Variants in PLOD3 observed in about 807,000 individuals in gnomAD.
PLOD3 encodes the protein multifunctional procollagen lysine hydroxylase and glycosyltransferase LH3.
Under a neutral mutation model 96.9 loss-of-function variants are expected in PLOD3, and 73 were observed. The observed-to-expected ratio is 0.75, with a 90% CI of 0.62 to 0.92. The LOEUF is 0.92. PLOD3 is among the 40% of genes least tolerant of loss of function. The pLI is 0.00. For synonymous variants in PLOD3, 454 were observed against 413.7 expected (o/e 1.10, Z -1.18); for missense variants, 1,004 against 1,004.3 (o/e 1.00, Z 0.00).
At chr7:101,211,501 G>T in intron 12 of PLOD3, 90 bp downstream of exon 12, 1 of 1,373,624 alleles carries the variant, frequency 7.3e-7, no homozygotes, top group Non-Finnish European at 9.9e-7. Flanking sequence ...TCTGACTGGT[G>T]ACCACTCCAA....
intron 10 of PLOD3, 108 bp downstream of exon 10, chr7:101,212,145 G>A (rs905581390): frequency 1.9e-5 from 27 of 1,441,534 alleles, no homozygotes; most frequent in African/African-American, 4.2e-5. Flanking sequence ...GGGAGGCCCA[G>A]GAGGGGCTGG....
chr7:101,211,449 G>A lies in PLOD3; in HGVS notation c.1358+142C>T, dbSNP rs1347572863. ...TCCTACCTCAGCCTCCCAAAGTGGT[G>A]GCATCAAAAGTGTGAGCCACTGCAG... On this transcript the variant is annotated intron_variant, in intron 12 of 18. Coordinates refer to ENST00000223127, the MANE Select transcript of PLOD3 (RefSeq NM_001084.5). 3.6e-5 allele frequency: 29 copies of A among 795,686 alleles called. No individual in the cohort carries two copies. In the South Asian group the frequency reaches 5.1e-4, roughly 14 times the overall value. The allele number at this position is 795,686 out of a possible 1,614,324, so 49.3% of individuals were successfully genotyped here.
Position 101,217,335 on chromosome 7 carries a change from C to CT in PLOD3, c.-62_-61insA. ...GGGATCTCCGCTACGCGCCTGGATC[C>CT]CAGCTCCGGAGGGGAGCTCTGGAAA... On this transcript the variant is annotated 5_prime_UTR_variant, in exon 1 of 19. Coordinates refer to ENST00000223127, the MANE Select transcript of PLOD3 (RefSeq NM_001084.5). The CT allele has an allele frequency of 7.4e-7, 1 of 1,345,680 alleles. No homozygotes were observed. Among genetic ancestry groups the CT allele is most frequent in the Non-Finnish European group, 9.5e-7 (1 of 1,048,498 alleles). The allele number at this position is 1,345,680 out of a possible 1,614,324, so 83.4% of individuals were successfully genotyped here.
chr7:101,216,202 G>T lies in PLOD3; in HGVS notation c.463C>A (p.Pro155Thr), dbSNP rs2116811317. The change falls in exon 4 of 19, where the codon CCT becomes ACT. Residue 155 changes from proline to threonine, a missense_variant. Transcript: ENST00000223127. ...WPEWGLAEQY[P>T]EVGTGKRFLN... is the part of the protein sequence containing the mutation. ...AAGCGCTTCCCCGTGCCCACCTCAG[G>T]GTACTGCTCCGCCAGCCCCCACTCG... 1 of 1,613,962 alleles carries T rather than the reference G, an allele frequency of 6.2e-7. No individual in the cohort carries two copies. Among genetic ancestry groups the T allele is most frequent in the East Asian group, 2.2e-5 (1 of 44,874 alleles).
chr7:101,209,349 G>A (rs1442974628), intron 15 of PLOD3, among the ~76,000 whole-genome samples: 1 of 151,956 alleles, frequency 6.6e-6, no homozygotes, highest in Non-Finnish European at 1.5e-5. Flanking sequence ...TGGAACTACA[G>A]GCACATGCCA....
chr7:101,212,921 T>C lies in PLOD3; in HGVS notation c.800A>G (p.Asn267Ser). 4 of 1,613,554 alleles carry C rather than the reference T, an allele frequency of 2.5e-6. No individual in the cohort carries two copies. In the South Asian group the frequency reaches 4.4e-5, roughly 18 times the overall value. Residue 267 changes from asparagine (N) to serine (S), a missense_variant, in exon 8 of 19, where the codon AAC becomes AGC. Physicochemically the swap from Asn to Ser is conservative, Grantham distance 46. Around this residue, in one of 5 missense-constraint regions of PLOD3, gnomAD observed 690 missense variants for 650.2 expected, o/e 1.06. Transcript: ENST00000223127. ...PTKLQLNYLG[N>S]YVPNGWTPEG... ...AGGAGTCCAGCCATTGGGGACGTAG[T>C]TTCCCAGGTAGTTGAGCTGCAGCTG... is the stretch of plus-strand genomic sequence containing the variant.
intron 7 of PLOD3, 37 bp downstream of exon 7, chr7:101,213,070 G>C: frequency 1.4e-6 from 2 of 1,465,378 alleles, no homozygotes; most frequent in Middle Eastern, 4.4e-4. Context: ...TGGGGGTTGG[G>C]GCAGGGCGGG....
rs1346911680 is a variant in PLOD3 at position 101,212,907 on chromosome 7, C to T, written c.814G>A (p.Gly272Ser). 1.9e-6 allele frequency: 3 copies of T among 1,613,772 alleles called. No homozygotes were observed. The highest frequency in any genetic ancestry group is 1.3e-5 in the African/African-American group (1 of 74,908). The change falls in exon 8 of 19, where the codon GGC (glycine) becomes AGC (serine). Residue 272 changes from glycine to serine, a missense_variant. Around this residue, in one of 5 missense-constraint regions of PLOD3, gnomAD observed 690 missense variants for 650.2 expected, o/e 1.06. Coordinates refer to ENST00000223127, the MANE Select transcript of PLOD3 (RefSeq NM_001084.5). ...LNYLGNYVPNGWTPEGGCGFC... is the reference protein window; with the variant it reads ...LNYLGNYVPNSWTPEGGCGFC... The stretch of plus-strand genomic sequence containing the variant: ...CCACAGCCTCCCTCAGGAGTCCAGC[C>T]ATTGGGGACGTAGTTTCCCAGGTAG...
chr7:101,214,919 G>A (rs1443387306), intron 6 of PLOD3, among the ~76,000 whole-genome samples, 170 bp downstream of exon 6: 1 of 152,150 alleles, frequency 6.6e-6, no homozygotes, highest in Admixed American at 6.5e-5. Context: ...CCTTGCTTCT[G>A]GTAGTACCAT....
chr7:101,212,343 G>GA lies in PLOD3; in HGVS notation c.1036dup (p.Ser346PhefsTer41), dbSNP rs1251245798. On this transcript the variant is annotated frameshift_variant, in exon 10 of 19. Transcript: ENST00000223127. LOFTEE classifies it high-confidence loss of function. Reference sequence around the variant, plus strand: ...GAAGTGGTCCTGGAGCTGCGGCCAGGAGTCAGCGATGTGGGGTTCATGGAA... The same window carrying GA: ...GAAGTGGTCCTGGAGCTGCGGCCAGGAAGTCAGCGATGTGGGGTTCATGGAA... 1 of 1,613,790 alleles carries GA rather than the reference G, an allele frequency of 6.2e-7. No individual in the cohort carries two copies. The highest frequency in any genetic ancestry group is 1.3e-5 in the African/African-American group (1 of 74,908).
intron 13 of PLOD3, 32 bp downstream of exon 13, chr7:101,210,500 G>A: frequency 6.2e-7 from 1 of 1,613,828 alleles, no homozygotes; most frequent in Non-Finnish European, 8.5e-7. Flanking sequence ...CTGGGGGACT[G>A]CCCCCAGGCC....
In PLOD3 at chr7:101,212,649, G is replaced by A. The variant is rs1766653334; in HGVS notation, c.886C>T (p.Pro296Ser). 1 of 1,613,772 alleles carries A rather than the reference G, an allele frequency of 6.2e-7. No homozygotes were observed. The highest frequency in any genetic ancestry group is 2.2e-5 in the East Asian group (1 of 44,874). The change falls in exon 9 of 19, where the codon CCC becomes TCC. Residue 296 changes from proline to serine, a missense_variant. Transcript: ENST00000223127. Reference sequence around the variant, plus strand: ...ACAAACACGGCCAGAAACACCCGGGGGGGAGGCTGGAAGATGCAACACGCA... The same window carrying A: ...ACAAACACGGCCAGAAACACCCGGGAGGGAGGCTGGAAGATGCAACACGCA... The part of the protein sequence containing the change: ...RRTLPGGQPP[P>S]RVFLAVFVEQ...
rs753791173 is a variant in PLOD3 at position 101,212,296 on chromosome 7, GC to G, written c.1083del (p.Pro362ArgfsTer5). ...TCGCCTGGGCTCAGAGCCTCCTCCG[GC>G]CCCACGAGCTTCACAGCTGAGAAGT... ...QDHFSAVKLVGPEEALSPGEA... is the reference protein window; with the variant it reads ...QDHFSAVKLVXPEEALSPGEA... On this transcript the variant is annotated frameshift_variant, in exon 10 of 19. Coordinates refer to ENST00000223127, the MANE Select transcript of PLOD3 (RefSeq NM_001084.5). LOFTEE classifies it high-confidence loss of function. The G allele has an allele frequency of 1.9e-6, 3 of 1,613,738 alleles. No homozygotes were observed. Among genetic ancestry groups the G allele is most frequent in the Non-Finnish European group, 1.7e-6 (2 of 1,179,982 alleles).
intron 15 of PLOD3, among the ~76,000 whole-genome samples, chr7:101,209,327 C>T (rs1166727865): frequency 6.6e-6 from 1 of 151,972 alleles, no homozygotes; most frequent in Non-Finnish European, 1.5e-5. Flanking sequence ...CCGCCTCAGA[C>T]TCCCAAGTAG....
Position 101,208,970 on chromosome 7 carries a change from C to A in PLOD3, c.1684-13G>T. The A allele has an allele frequency of 1.3e-6, 2 of 1,583,686 alleles. No individual in the cohort carries two copies. Among genetic ancestry groups the A allele is most frequent in the South Asian group, 2.2e-5 (2 of 90,460 alleles). ...CGTCCGGGCATGGCTGAGGATGGGG[C>A]GAGGGAGAACAGGGCTAGCTGACGC... On this transcript the variant is annotated splice_polypyrimidine_tract_variant and intron_variant, in intron 15 of 18. Transcript: ENST00000223127.
intron 18 of PLOD3, 143 bp from the exon 19 acceptor site, chr7:101,206,579 C>T (rs1274698142): frequency 1.8e-5 from 18 of 1,007,600 alleles, no homozygotes; most frequent in Non-Finnish European, 2.6e-5. Context: ...ATGGCAGACA[C>T]CGGAGGCTGG....
intron 5 of PLOD3, among the ~76,000 whole-genome samples, chr7:101,215,530 G>C (rs1798255989): frequency 6.6e-6 from 1 of 152,134 alleles, no homozygotes; most frequent in Non-Finnish European, 1.5e-5. Context: ...GTGAGAGACA[G>C]AGTCTCATTC....
chr7:101,206,018 GA>G lies in PLOD3; in HGVS notation c.*262del. On this transcript the variant is annotated 3_prime_UTR_variant, in exon 19 of 19. Coordinates refer to ENST00000223127, the MANE Select transcript of PLOD3 (RefSeq NM_001084.5). ...GTCCTTTATTCAGAGTGAGACTGCG[GA>G]ACATTAATAATTTATCACGCGGGGA... The G allele has an allele frequency of 1.7e-6, 1 of 572,604 alleles. No individual in the cohort carries two copies. The highest frequency in any genetic ancestry group is 3.1e-6 in the Non-Finnish European group (1 of 320,006). The allele number at this position is 572,604 out of a possible 1,614,324, so 35.5% of individuals were successfully genotyped here.
At chr7:101,211,547 C>G in intron 12 of PLOD3, 44 bp downstream of exon 12, 3 of 1,574,886 alleles carry the variant, frequency 1.9e-6, no homozygotes, top group Non-Finnish European at 2.6e-6. Flanking sequence ...CTACCTGGGC[C>G]CCGGGTCGGA....
Sources: allele counts gnomAD v4.1 joint callset (sites outside exome capture counted in the v4.1 genomes callset), GRCh38; gene constraint gnomAD v4.1.1; regional missense constraint gnomAD v4.1.1; transcripts MANE v1.5; gene names NCBI Gene and HGNC (gene_info 2026-07-23, HGNC 2026-07-21).